The following SLC1A1 variants were observed in gnomAD, a reference collection of about 807,000 sequenced individuals.
The protein encoded by SLC1A1 is excitatory amino acid transporter 3.
In SLC1A1, 43 loss-of-function variants were observed where a neutral mutation model predicts 53.3. The observed-to-expected ratio is 0.81, with a 90% CI of 0.63 to 1.04. The LOEUF (loss-of-function observed/expected upper bound fraction) is 1.04. SLC1A1 is among the 50% of genes least tolerant of loss of function. The pLI is 0.00. For synonymous variants in SLC1A1, 307 were observed against 243.2 expected (o/e 1.26, Z -2.44); for missense variants, 748 against 664.9 (o/e 1.12, Z -1.37).
At chr9:4,506,248 T>G (rs969293291) in intron 1 of SLC1A1, among the ~76,000 whole-genome samples, 4 of 152,252 alleles carry the variant, frequency 2.6e-5, no homozygotes, top group Admixed American at 2.6e-4. Context: ...TGAGCCATCA[T>G]GCCCGGCCAA....
intron 2 of SLC1A1, among the ~76,000 whole-genome samples, 158 bp downstream of exon 2, chr9:4,544,865 G>A (rs750833192): frequency 3.3e-5 from 5 of 152,314 alleles, no homozygotes; most frequent in Non-Finnish European, 7.3e-5. Context: ...ATGGCGGAAG[G>A]CAAAGGGGAA....
chr9:4,538,495 T>G (rs1816757714), intron 1 of SLC1A1, among the ~76,000 whole-genome samples: 1 of 152,192 alleles, frequency 6.6e-6, no homozygotes, highest in African/African-American at 2.4e-5. Context: ...CTTAGGGATT[T>G]TGGGGCTCCA....
intron 1 of SLC1A1, among the ~76,000 whole-genome samples, chr9:4,521,855 C>T (rs984667700): frequency 3.9e-5 from 6 of 152,084 alleles, no homozygotes; most frequent in East Asian, 1.9e-4. Flanking sequence ...ACAAAGGGAG[C>T]AGCCCCACTT....
chr9:4,513,836 C>T (rs2130817952), intron 1 of SLC1A1, among the ~76,000 whole-genome samples: 1 of 152,254 alleles, frequency 6.6e-6, no homozygotes, highest in East Asian at 1.9e-4. Flanking sequence ...ACTGTCTATC[C>T]ATAAAACGTG....
intron 9 of SLC1A1, 29 bp downstream of exon 9, chr9:4,576,152 G>T: frequency 6.2e-7 from 1 of 1,609,282 alleles, no homozygotes; most frequent in South Asian, 1.1e-5. Flanking sequence ...TCTGGAAGAA[G>T]CCTCCAGGCT....
At chr9:4,499,198 C>G in intron 1 of SLC1A1, among the ~76,000 whole-genome samples, 1 of 151,760 alleles carries the variant, frequency 6.6e-6, no homozygotes, top group East Asian at 1.9e-4. Context: ...GTGCCCACCA[C>G]CACACCCAGC....
At position 4,515,007 on chromosome 9, in the gene SLC1A1, C is replaced by T. The variant is rs1252381346; in HGVS notation, c.91+24237C>T. On this transcript the variant is annotated intron_variant, in intron 1 of 11. Transcript: ENST00000262352. Reference sequence around the variant, plus strand: ...GCCGGGGCTCCTGTATCCCTTTTCTCGCTGACTCTCTCTCTCCTCTTCTCT... The same window carrying T: ...GCCGGGGCTCCTGTATCCCTTTTCTTGCTGACTCTCTCTCTCCTCTTCTCT... Among the ~76,000 whole-genome samples, 8 of 151,970 alleles carry T rather than the reference C, an allele frequency of 5.3e-5. No individual in the cohort carries two copies. In the South Asian group the frequency reaches 1.0e-3, roughly 20 times the overall value.
chr9:4,568,754 T>C (rs1450333948), intron 6 of SLC1A1, among the ~76,000 whole-genome samples: 1 of 151,928 alleles, frequency 6.6e-6, no homozygotes, highest in Non-Finnish European at 1.5e-5. Context: ...GTCTCCAGTG[T>C]TCCTAAGCAC....
chr9:4,531,024 C>A (rs1327599458), intron 1 of SLC1A1, among the ~76,000 whole-genome samples: 2 of 152,182 alleles, frequency 1.3e-5, no homozygotes, highest in Non-Finnish European at 2.9e-5. Flanking sequence ...CAAGTCCATC[C>A]AAACAGCCAA....
At chr9:4,544,860 G>A (rs151063637) in intron 2 of SLC1A1, among the ~76,000 whole-genome samples, 153 bp downstream of exon 2, 133 of 152,262 alleles carry the variant, frequency 8.7e-4, no homozygotes, top group African/African-American at 2.8e-3. Context: ...CAATCATGGC[G>A]GAAGGCAAAG....
chr9:4,547,505 G>C (rs770293628), intron 2 of SLC1A1, among the ~76,000 whole-genome samples: 1 of 152,192 alleles, frequency 6.6e-6, no homozygotes, highest in Non-Finnish European at 1.5e-5. Flanking sequence ...TGTCAGATTA[G>C]AGGGAAAAGC....
chr9:4,507,125 T>C (rs1261820677), intron 1 of SLC1A1, among the ~76,000 whole-genome samples: 2 of 152,006 alleles, frequency 1.3e-5, no homozygotes, highest in Non-Finnish European at 2.9e-5. Context: ...TCCCAGCCAC[T>C]TGGGAGGTTG....
chr9:4,574,829 C>T (rs181385540), intron 8 of SLC1A1, among the ~76,000 whole-genome samples: 41 of 152,316 alleles, frequency 2.7e-4, no homozygotes, highest in Non-Finnish European at 5.9e-5. Context: ...GGAACTTGAT[C>T]GTATTGGAGA....
At position 4,539,077 on chromosome 9, in the gene SLC1A1, T is replaced by C. The variant is rs546754733; in HGVS notation, c.92-5490T>C. On this transcript the variant is annotated intron_variant, in intron 1 of 11. Coordinates refer to ENST00000262352, the MANE Select transcript of SLC1A1 (RefSeq NM_004170.6). Reference sequence around the variant, plus strand: ...TTAATCAAGCCAAAATTAATTTACATAGAGAACTACTCTATGGCTTTCATT... The same window carrying C: ...TTAATCAAGCCAAAATTAATTTACACAGAGAACTACTCTATGGCTTTCATT... 7.4e-5 allele frequency among the ~76,000 whole-genome samples: 11 copies of C among 148,512 alleles called. No homozygotes were observed. In the South Asian group the frequency reaches 2.3e-3, roughly 31 times the overall value.
rs1818430948 is a variant in SLC1A1 at position 4,556,739 on chromosome 9, C to T, written c.233-4710C>T. On this transcript the variant is annotated intron_variant, in intron 2 of 11. Coordinates refer to ENST00000262352, the MANE Select transcript of SLC1A1 (RefSeq NM_004170.6). This position sits in a 1 kb window ranked among gnomAD's most constrained non-coding sequence, Gnocchi z 4.1. ...CCACAAGTTCTCACCAAGACAATATCGTCCCCAAGGCAGCAAAAGCTGTTT... is the reference window on the plus strand; with the variant it reads ...CCACAAGTTCTCACCAAGACAATATTGTCCCCAAGGCAGCAAAAGCTGTTT... Among the ~76,000 whole-genome samples the T allele has an allele frequency of 6.6e-6, 1 of 152,164 alleles. No homozygotes were observed. The highest frequency in any genetic ancestry group is 2.4e-5 in the African/African-American group (1 of 41,442).
At chr9:4,574,137 A>C in intron 8 of SLC1A1, 123 bp downstream of exon 8, 1 of 753,414 alleles carries the variant, frequency 1.3e-6, no homozygotes, top group Middle Eastern at 2.6e-4. Flanking sequence ...GATAGGGTTC[A>C]GAGATAAGAC....
intron 1 of SLC1A1, among the ~76,000 whole-genome samples, chr9:4,504,058 G>A (rs1586693067): frequency 6.6e-6 from 1 of 152,200 alleles, no homozygotes; most frequent in African/African-American, 2.4e-5. Flanking sequence ...TGTGAGCACT[G>A]CATGACCCTG....
intron 10 of SLC1A1, among the ~76,000 whole-genome samples, chr9:4,577,832 G>A (rs2129826303): frequency 6.6e-6 from 1 of 152,298 alleles, no homozygotes; most frequent in Middle Eastern, 3.4e-3. Flanking sequence ...TGGGAGCAGG[G>A]ACCAAATCTA....
intron 1 of SLC1A1, among the ~76,000 whole-genome samples, chr9:4,532,294 T>G (rs188429208): frequency 1.3e-4 from 20 of 152,010 alleles, no homozygotes; most frequent in African/African-American, 4.3e-4. Context: ...AACCCAAGGC[T>G]AAGAAGTTAA....
Sources: gnomAD v4.1 joint callset for allele counts (sites outside exome capture counted in the v4.1 genomes callset) on GRCh38, gnomAD v4.1.1 for gene constraint, Gnocchi (gnomAD v3.1) non-coding constraint, MANE v1.5 for transcripts, NCBI Gene and HGNC (gene_info 2026-07-23, HGNC 2026-07-21) for gene names.